Variants in ATXN7L1 observed in about 807,000 individuals in gnomAD.
ATXN7L1 encodes the protein ataxin 7 like 1.
Under a neutral mutation model 70.8 loss-of-function variants are expected in ATXN7L1, and 15 were observed. The observed-to-expected ratio is 0.21, with a 90% CI of 0.14 to 0.33. The LOEUF (loss-of-function observed/expected upper bound fraction) is 0.33, where lower values mean the gene tolerates loss of function less well. Among genes scored for constraint, ATXN7L1 ranks in the 10% least tolerant of loss-of-function variants. ATXN7L1 has a pLI of 1.00. For missense variants in ATXN7L1, 975 were observed against 1,097.1 expected (o/e 0.89, Z 1.57); for synonymous variants, 440 against 445.1 (o/e 0.99, Z 0.14).
intron 2 of ATXN7L1, among the ~76,000 whole-genome samples, chr7:105,813,701 T>G (rs1209045476): frequency 6.6e-6 from 1 of 152,018 alleles, no homozygotes; most frequent in Non-Finnish European, 1.5e-5. Context: ...TGAAATTAAG[T>G]TTTTTTTCCT....
intron 3 of ATXN7L1, among the ~76,000 whole-genome samples, chr7:105,711,018 G>T (rs541257447): frequency 4.6e-5 from 7 of 152,282 alleles, no homozygotes; most frequent in African/African-American, 4.8e-5. Context: ...GATCTCATGA[G>T]AATTTATTCA....
At chr7:105,831,569 C>T (rs1242028034) in intron 2 of ATXN7L1, among the ~76,000 whole-genome samples, 1 of 152,156 alleles carries the variant, frequency 6.6e-6, no homozygotes, top group Admixed American at 6.5e-5. Flanking sequence ...ATGTCTATCT[C>T]TACTCTCTCC....
chr7:105,797,463 C>T (rs930629160), intron 2 of ATXN7L1, among the ~76,000 whole-genome samples: 1 of 152,234 alleles, frequency 6.6e-6, no homozygotes, highest in South Asian at 2.1e-4. Flanking sequence ...ACTGGGTCCC[C>T]AGGATGCTTC....
intron 3 of ATXN7L1, among the ~76,000 whole-genome samples, chr7:105,756,802 C>A (rs528878576): frequency 6.6e-6 from 1 of 152,120 alleles, no homozygotes; most frequent in South Asian, 2.1e-4. Context: ...ATTCACTTAA[C>A]GGTGATGACC....
chr7:105,622,850 G>C (rs1338989137), intron 8 of ATXN7L1, among the ~76,000 whole-genome samples: 3 of 152,176 alleles, frequency 2.0e-5, no homozygotes, highest in Admixed American at 1.3e-4. Context: ...ACACCACTGG[G>C]TGAGGATGTA....
At chr7:105,626,292 G>C (rs1795682038) in intron 7 of ATXN7L1, among the ~76,000 whole-genome samples, 1 of 152,128 alleles carries the variant, frequency 6.6e-6, no homozygotes, top group Non-Finnish European at 1.5e-5. Context: ...GACAAATATT[G>C]GATGATTCCA....
intron 3 of ATXN7L1, among the ~76,000 whole-genome samples, chr7:105,676,000 T>C (rs1303315436): frequency 6.6e-6 from 1 of 152,062 alleles, no homozygotes; most frequent in Non-Finnish European, 1.5e-5. Flanking sequence ...TGCTAGACCT[T>C]TGTCATCAGA....
rs543347701 is a variant in ATXN7L1 at position 105,658,948 on chromosome 7, C to A, written c.578+6118G>T. 1.1e-4 allele frequency among the ~76,000 whole-genome samples: 17 copies of A among 152,300 alleles called. No homozygotes were observed. In the East Asian group the frequency reaches 3.3e-3, roughly 29 times the overall value. ...CATGAGGAGTTCAAGACCAGGCTGG[C>A]TAAGATGGTGAAACCCCGTCTCTAC... On this transcript the variant is annotated intron_variant, in intron 4 of 11. Coordinates refer to ENST00000419735, the MANE Select transcript of ATXN7L1 (RefSeq NM_020725.2).
intron 3 of ATXN7L1, among the ~76,000 whole-genome samples, chr7:105,755,512 AT>A (rs2116397257): frequency 6.6e-6 from 1 of 152,346 alleles, no homozygotes; most frequent in South Asian, 2.1e-4. Flanking sequence ...TGATAACTAC[AT>A]TATTCACTGT....
chr7:105,745,754 T>C (rs1798518671), intron 3 of ATXN7L1, among the ~76,000 whole-genome samples: 1 of 152,208 alleles, frequency 6.6e-6, no homozygotes, highest in Admixed American at 6.5e-5. Context: ...TCTTACTCTC[T>C]GTTTACCCAG....
intron 5 of ATXN7L1, among the ~76,000 whole-genome samples, chr7:105,640,415 C>T (rs1706911): frequency 1.3e-5 from 2 of 152,134 alleles, no homozygotes; most frequent in South Asian, 2.1e-4. Context: ...ACAGCTTGTG[C>T]GGAGGTTACT....
chr7:105,760,699 C>G (rs187265268), intron 3 of ATXN7L1: 229 of 409,288 alleles, frequency 5.6e-4, no homozygotes, highest in Admixed American at 9.6e-4. Context: ...GAGAGCTCAT[C>G]TAGTTGTGAA....
intron 3 of ATXN7L1, among the ~76,000 whole-genome samples, chr7:105,683,736 C>T (rs1056628166): frequency 5.3e-5 from 8 of 152,060 alleles, no homozygotes; most frequent in African/African-American, 1.2e-4. Flanking sequence ...CCAATGCCAC[C>T]ACACACAAAC....
intron 2 of ATXN7L1, among the ~76,000 whole-genome samples, chr7:105,790,701 A>ATCTATCTG (rs1805093146): frequency 6.6e-6 from 1 of 150,904 alleles, no homozygotes; most frequent in South Asian, 2.1e-4. Flanking sequence ...CTATCTATCT[A>ATCTATCTG]TCTATCTATC....
rs570912425 is a variant in ATXN7L1, at chr7:105,697,673, G to T, written c.356-32385C>A. Among the ~76,000 whole-genome samples, 5 of 152,338 alleles carry T rather than the reference G, an allele frequency of 3.3e-5. No individual in the cohort carries two copies. The South Asian group carries it at 1.0e-3, about 32-fold the overall frequency. On this transcript the variant is annotated intron_variant, in intron 3 of 11. Transcript: ENST00000419735. Reference sequence around the variant, plus strand: ...AAGACAGGCATAGGAAATCACAAGGGTATTGATTGGGGAAGTGATAAGTGT... The same window carrying T: ...AAGACAGGCATAGGAAATCACAAGGTTATTGATTGGGGAAGTGATAAGTGT...
At chr7:105,841,262 G>A (rs1813170483) in intron 2 of ATXN7L1, among the ~76,000 whole-genome samples, 1 of 152,192 alleles carries the variant, frequency 6.6e-6, no homozygotes, top group South Asian at 2.1e-4. Flanking sequence ...CTGTCCTGGA[G>A]CACTGCTCAG....
Position 105,630,323 on chromosome 7 carries a change from G to A in ATXN7L1, c.1203-6056C>T, listed in dbSNP as rs1269550496. ...AGATAAAAAAGGCATTAGCTTTAAA[G>A]AACAATGAGATCAGCAGAAATGTGG... is the stretch of plus-strand genomic sequence containing the variant. On this transcript the variant is annotated intron_variant, in intron 7 of 11. Transcript: ENST00000419735. Among the ~76,000 whole-genome samples the A allele has an allele frequency of 2.0e-5, 3 of 152,142 alleles. No homozygotes were observed. In the South Asian group the frequency reaches 6.2e-4, roughly 32 times the overall value.
chr7:105,716,677 A>G (rs1479660186), intron 3 of ATXN7L1, among the ~76,000 whole-genome samples: 3 of 74,802 alleles, frequency 4.0e-5, no homozygotes, highest in African/African-American at 2.3e-4. Flanking sequence ...ACACACACAC[A>G]CACACACACA....
Position 105,865,065 on chromosome 7 carries a change from G to A in ATXN7L1, c.250+10747C>T, listed in dbSNP as rs114135739. On this transcript the variant is annotated intron_variant, in intron 2 of 11. Coordinates refer to ENST00000419735, the MANE Select transcript of ATXN7L1 (RefSeq NM_020725.2). ...GCCTGGTGAGCCCCGGGCATCCCCC[G>A]GAGCAGTAAGAACGCAGTCTGTCCC... Among the ~76,000 whole-genome samples, 680 of 152,298 alleles carry A rather than the reference G, an allele frequency of 4.5e-3. 4 individuals carry two copies. The highest frequency in any genetic ancestry group is 0.015 in the African/African-American group (624 of 41,564).
Sources: allele counts gnomAD v4.1 joint callset (sites outside exome capture counted in the v4.1 genomes callset), GRCh38; gene constraint gnomAD v4.1.1; transcripts MANE v1.5; gene names NCBI Gene and HGNC (gene_info 2026-07-23, HGNC 2026-07-21).